The following SLC25A25 variants were observed in gnomAD, a reference collection of about 807,000 sequenced individuals.
The protein encoded by SLC25A25 is mitochondrial adenyl nucleotide antiporter SLC25A25.
In SLC25A25, 32 loss-of-function variants were observed where a neutral mutation model predicts 57.7. That is an observed-to-expected ratio of 0.55 (90% confidence interval 0.42 to 0.74). The LOEUF (loss-of-function observed/expected upper bound fraction) is 0.74. Among genes scored for constraint, SLC25A25 ranks in the 30% least tolerant of loss-of-function variants. The pLI is 0.00. For synonymous variants in SLC25A25, 306 were observed against 291.2 expected (o/e 1.05, Z -0.52); for missense variants, 556 against 701.3 (o/e 0.79, Z 2.34).
At position 128,101,233 on chromosome 9, in the gene SLC25A25, C is replaced by T; in HGVS notation, c.388+11C>T. On this transcript the variant is annotated intron_variant, in intron 2 of 10. Transcript: ENST00000373069. This position sits in a 1 kb window ranked among gnomAD's most constrained non-coding sequence, Gnocchi z 4.9. ...ACAAAAAGAATGATGGTAAGTGTTG[C>T]CTTCAGAGCTGTGGCCGGTCCAGCC... 1 of 1,614,264 alleles carries T rather than the reference C, an allele frequency of 6.2e-7. No individual in the cohort carries two copies. The highest frequency in any genetic ancestry group is 8.5e-7 in the Non-Finnish European group (1 of 1,180,052).
chr9:128,075,895 C>T (rs183364693), intron 1 of SLC25A25, among the ~76,000 whole-genome samples: 2 of 152,262 alleles, frequency 1.3e-5, no homozygotes, highest in Non-Finnish European at 2.9e-5. Context: ...CTCACATCCC[C>T]ACAAGGGAAT....
intron 1 of SLC25A25, among the ~76,000 whole-genome samples, chr9:128,092,629 G>C (rs1285482367): frequency 2.6e-5 from 4 of 152,140 alleles, no homozygotes. Context: ...GCAGAGGCTG[G>C]TGCCCCTCTG....
Position 128,101,971 on chromosome 9 carries a change from C to A in SLC25A25, c.477-109C>A. 1 of 1,268,790 alleles carries A rather than the reference C, an allele frequency of 7.9e-7. No individual in the cohort carries two copies. The highest frequency in any genetic ancestry group is 2.0e-5 in the Admixed American group (1 of 49,842). 78.6% of individuals were successfully genotyped at this position (1,268,790 alleles called of 1,614,324 possible). A position where few individuals can be genotyped will look rare whatever the true frequency, so the allele number is the denominator to read the frequency against. On this transcript the variant is annotated intron_variant, in intron 3 of 10. Coordinates refer to ENST00000373069, the MANE Select transcript of SLC25A25 (RefSeq NM_001330988.2). This position sits in a 1 kb window ranked among gnomAD's most constrained non-coding sequence, Gnocchi z 4.9. Reference sequence around the variant, plus strand: ...GCTGCTGTGGCGGGCTCGTCTCGTGCCGTGCTGTGCCCCTGTCTCTGGGTG... The same window carrying A: ...GCTGCTGTGGCGGGCTCGTCTCGTGACGTGCTGTGCCCCTGTCTCTGGGTG...
intron 1 of SLC25A25, chr9:128,090,845 C>T (rs1461235653): frequency 6.6e-6 from 1 of 152,210 alleles, no homozygotes; most frequent in Non-Finnish European, 1.5e-5. Flanking sequence ...GTTGTGAACA[C>T]TATCAGAGGG....
intron 1 of SLC25A25, among the ~76,000 whole-genome samples, chr9:128,077,442 G>A (rs934955215): frequency 6.6e-6 from 1 of 150,798 alleles, no homozygotes; most frequent in Admixed American, 6.6e-5. Context: ...GCGTGAACCC[G>A]GGAGGCGGAG....
At chr9:128,074,572 G>C (rs987082978) in intron 1 of SLC25A25, among the ~76,000 whole-genome samples, 1 of 151,800 alleles carries the variant, frequency 6.6e-6, no homozygotes, top group African/African-American at 2.4e-5. Context: ...AGCCGGGCGT[G>C]GTGGCACACG....
intron 1 of SLC25A25, among the ~76,000 whole-genome samples, chr9:128,071,854 G>C (rs184579467): frequency 2.6e-5 from 4 of 151,768 alleles, no homozygotes; most frequent in Admixed American, 2.6e-4. Context: ...TGGGATTACA[G>C]GCGCCCGCCA....
At chr9:128,097,226 C>T (rs1162873990) in intron 1 of SLC25A25, among the ~76,000 whole-genome samples, 2 of 152,118 alleles carry the variant, frequency 1.3e-5, no homozygotes, top group Non-Finnish European at 1.5e-5. Context: ...ATCTTGGTGA[C>T]GTGGTCTCTT....
chr9:128,096,982 C>G (rs1177717352), intron 1 of SLC25A25, among the ~76,000 whole-genome samples: 1 of 152,226 alleles, frequency 6.6e-6, no homozygotes, highest in East Asian at 1.9e-4. Flanking sequence ...GCCCAAATGT[C>G]ATATCACTTG....
At chr9:128,104,743 T>A (rs1401760250) in intron 6 of SLC25A25, among the ~76,000 whole-genome samples, 1 of 152,192 alleles carries the variant, frequency 6.6e-6, no homozygotes, top group African/African-American at 2.4e-5. Flanking sequence ...TGGCTGTGGT[T>A]TGATCATTGT....
chr9:128,098,481 T>A, intron 1 of SLC25A25: 1 of 1,535,190 alleles, frequency 6.5e-7, no homozygotes, highest in African/African-American at 1.4e-5. Context: ...GCCAGGCTTG[T>A]CTTATGCAAG....
chr9:128,107,263 C>A lies in SLC25A25; in HGVS notation c.1367C>A (p.Ser456Tyr), dbSNP rs1448315557. ...LVRTRMQAQASIEGAPEVTMS... is the reference protein window; with the variant it reads ...LVRTRMQAQAYIEGAPEVTMS... The stretch of plus-strand genomic sequence containing the variant: ...ACTGGTGGCCTCCATCCTGCAGCCT[C>A]TATTGAGGGCGCTCCGGAGGTGACC... The change falls in exon 11 of 11, where the codon TCT becomes TAT. Residue 456 changes from serine (S) to tyrosine (Y), a missense_variant. Physicochemically the swap from Ser to Tyr is moderately radical, Grantham distance 144. Coordinates refer to ENST00000373069, the MANE Select transcript of SLC25A25 (RefSeq NM_001330988.2). 6.2e-7 allele frequency: 1 copy of A among 1,603,708 alleles called. No homozygotes were observed. The highest frequency in any genetic ancestry group is 1.1e-5 in the South Asian group (1 of 90,556).
chr9:128,105,390 C>G (rs1056136373), intron 6 of SLC25A25, among the ~76,000 whole-genome samples: 1 of 151,862 alleles, frequency 6.6e-6, no homozygotes, highest in Non-Finnish European at 1.5e-5. Context: ...GGGCTGGTCT[C>G]GAACTCCTGA....
rs775223622 is a variant in SLC25A25, at chr9:128,106,394, C to T, written c.1086C>T (p.Tyr362=). The T allele has an allele frequency of 6.2e-7, 1 of 1,613,788 alleles. No homozygotes were observed. The highest frequency in any genetic ancestry group is 1.7e-5 in the Admixed American group (1 of 60,020). ...TRMALRKTGQ[Y]SGMLDCARRI... ...TGGCGCTGCGGAAGACAGGCCAGTA[C>T]TCAGGAATGCTGGACTGCGCCAGGA... Residue 362 remains tyrosine, a synonymous_variant, in exon 9 of 11, where the codon TAC becomes TAT. Coordinates refer to ENST00000373069, the MANE Select transcript of SLC25A25 (RefSeq NM_001330988.2).
At position 128,099,250 on chromosome 9, in the gene SLC25A25, TAATC is replaced by T; in HGVS notation, c.262-1844_262-1841del. ...CCCCTTGCCACCTCGGCTTCTCGGT[TAATC>T]AGTTTCCCTGCTACCCCCAGTGCCC... On this transcript the variant is annotated intron_variant, in intron 1 of 10. Coordinates refer to ENST00000373069, the MANE Select transcript of SLC25A25 (RefSeq NM_001330988.2). The surrounding 1 kb of genome is among the most constrained non-coding windows in gnomAD (Gnocchi z 6.8). 2 of 1,289,008 alleles carry T rather than the reference TAATC, an allele frequency of 1.6e-6. No homozygotes were observed. The highest frequency in any genetic ancestry group is 2.0e-6 in the Non-Finnish European group (2 of 988,516). 79.8% of individuals were successfully genotyped at this position (1,289,008 alleles called of 1,614,324 possible). A position where few individuals can be genotyped will look rare whatever the true frequency, so the allele number is the denominator to read the frequency against.
At position 128,099,722 on chromosome 9, in the gene SLC25A25, G is replaced by C. The variant is rs1376989450; in HGVS notation, c.262-1374G>C. ...GCCAGGTCATGGGGTATCTGTTCAG[G>C]CCTCCCTGCCCCTGACACCTTTGGC... is the stretch of plus-strand genomic sequence containing the variant. On this transcript the variant is annotated intron_variant, in intron 1 of 10. Coordinates refer to ENST00000373069, the MANE Select transcript of SLC25A25 (RefSeq NM_001330988.2). This position sits in a 1 kb window ranked among gnomAD's most constrained non-coding sequence, Gnocchi z 6.8. 6.6e-6 allele frequency among the ~76,000 whole-genome samples: 1 copy of C among 152,138 alleles called. No homozygotes were observed. The highest frequency in any genetic ancestry group is 2.4e-5 in the African/African-American group (1 of 41,420).
At chr9:128,086,620 A>G (rs1356952869) in intron 1 of SLC25A25, among the ~76,000 whole-genome samples, 2 of 152,068 alleles carry the variant, frequency 1.3e-5, no homozygotes, top group Non-Finnish European at 2.9e-5. Flanking sequence ...GGCGTGAGCC[A>G]CTGTGCCTGG....
At chr9:128,077,097 T>C (rs1833031677) in intron 1 of SLC25A25, among the ~76,000 whole-genome samples, 1 of 152,214 alleles carries the variant, frequency 6.6e-6, no homozygotes, top group African/African-American at 2.4e-5. Context: ...CTATAATCTC[T>C]GCTGCTGCTA....
At chr9:128,105,158 CTTTTTTT>C (rs11351573) in intron 6 of SLC25A25, among the ~76,000 whole-genome samples, 20 of 29,174 alleles carry the variant, frequency 6.9e-4, no homozygotes, top group African/African-American at 2.7e-3. Flanking sequence ...CACTCCCGGC[CTTTTTTT>C]TTTTTTTTTT....
Sources: gnomAD v4.1 joint callset for allele counts (sites outside exome capture counted in the v4.1 genomes callset) on GRCh38, gnomAD v4.1.1 for gene constraint, Gnocchi (gnomAD v3.1) non-coding constraint, MANE v1.5 for transcripts, NCBI Gene and HGNC (gene_info 2026-07-23, HGNC 2026-07-21) for gene names.